Variants in HACL2 observed in about 807,000 individuals in gnomAD.
HACL2 encodes the protein 2-hydroxyacyl-CoA lyase 1 like.
chr19:15,122,918 A>G, the HACL2 span: 15 of 1,608,376 alleles, frequency 9.3e-6, no homozygotes, highest in Non-Finnish European at 1.2e-5. This position sits in a 1 kb window ranked among gnomAD's most constrained non-coding sequence, Gnocchi z 4.0. Context: ...GGCGGCAGCC[A>G]TCGCGGCCCT....
At chr19:15,117,650 G>A in the HACL2 span, 1 of 438,012 alleles carries the variant, frequency 2.3e-6, no homozygotes, top group South Asian at 3.0e-5. Context: ...CTGCATTCCA[G>A]CCTGGGTGAC....
the HACL2 span, chr19:15,123,588 G>C: frequency 3.7e-6 from 6 of 1,612,960 alleles, no homozygotes; most frequent in Non-Finnish European, 5.1e-6. This position sits in a 1 kb window ranked among gnomAD's most constrained non-coding sequence, Gnocchi z 5.1. Flanking sequence ...TGGGCCCAAG[G>C]ACAGGTGGAG....
the HACL2 span, chr19:15,117,983 G>A: frequency 9.9e-6 from 16 of 1,614,180 alleles, no homozygotes; most frequent in South Asian, 1.3e-4. Context: ...CTGAGGACAC[G>A]GCCATAGGAT....
the HACL2 span, chr19:15,122,603 C>A: frequency 1.8e-6 from 2 of 1,087,612 alleles, no homozygotes. This position sits in a 1 kb window ranked among gnomAD's most constrained non-coding sequence, Gnocchi z 4.0. Flanking sequence ...TCCCAGTCCA[C>A]ATGTGAATCA....
At chr19:15,119,373 G>A in the HACL2 span, 2 of 1,612,100 alleles carry the variant, frequency 1.2e-6, no homozygotes, top group Non-Finnish European at 1.7e-6. Flanking sequence ...CCCGAGGACT[G>A]GGGACTGGGA....
chr19:15,120,229 G>A, the HACL2 span: 6 of 545,958 alleles, frequency 1.1e-5, no homozygotes, highest in East Asian at 2.0e-4. Context: ...AGGGACAGAC[G>A]AACCCTAGTG....
the HACL2 span, chr19:15,123,355 C>T: frequency 1.2e-6 from 2 of 1,610,720 alleles, no homozygotes; most frequent in Admixed American, 3.3e-5. The surrounding 1 kb of genome is among the most constrained non-coding windows in gnomAD (Gnocchi z 5.1). Context: ...AGTCCCCAGC[C>T]CTCTCTGCAA....
At chr19:15,125,125 GA>G in the HACL2 span, 1 of 1,434,668 alleles carries the variant, frequency 7.0e-7, no homozygotes. Flanking sequence ...CTCTCCGGAA[GA>G]AATCGCGCCC....
At chr19:15,115,395 C>T in the HACL2 span, 1 of 1,614,004 alleles carries the variant, frequency 6.2e-7, no homozygotes, top group Non-Finnish European at 8.5e-7. Flanking sequence ...AGCAGCAAGC[C>T]CCGGGCCCCC....
At chr19:15,125,301 A>G in the HACL2 span, 1 of 541,002 alleles carries the variant, frequency 1.8e-6, no homozygotes, top group African/African-American at 2.0e-5. Context: ...AGTCCTTTAC[A>G]TCACCACCAC....
At chr19:15,119,839 C>T in the HACL2 span, 1 of 625,216 alleles carries the variant, frequency 1.6e-6, no homozygotes, top group South Asian at 2.2e-5. Flanking sequence ...CTGTGAGCCA[C>T]CGCGTCCAGC....
chr19:15,122,732 G>C, the HACL2 span: 1 of 1,614,184 alleles, frequency 6.2e-7, no homozygotes, highest in African/African-American at 1.3e-5. The surrounding 1 kb of genome is among the most constrained non-coding windows in gnomAD (Gnocchi z 4.0). Context: ...GGGTGGCTTG[G>C]CTGGCACCAT....
At chr19:15,122,156 C>T in the HACL2 span, among the ~76,000 whole-genome samples, 1 of 151,528 alleles carries the variant, frequency 6.6e-6, no homozygotes, top group Non-Finnish European at 1.5e-5. The surrounding 1 kb of genome is among the most constrained non-coding windows in gnomAD (Gnocchi z 4.0). Flanking sequence ...CTGCCCACCT[C>T]GGCCTCCCAA....
the HACL2 span, chr19:15,124,892 C>A: frequency 1.9e-6 from 3 of 1,578,172 alleles, no homozygotes; most frequent in Admixed American, 1.8e-5. Flanking sequence ...TCTTTGACTG[C>A]CCCCAGCCCA....
the HACL2 span, among the ~76,000 whole-genome samples, chr19:15,121,844 GAT>G: frequency 2.0e-5 from 3 of 149,344 alleles, no homozygotes; most frequent in Non-Finnish European, 3.0e-5. Context: ...AAAGGACAAA[GAT>G]GTGAGGGAAG....
chr19:15,125,034 G>A, the HACL2 span: 2 of 1,564,466 alleles, frequency 1.3e-6, no homozygotes, highest in South Asian at 1.2e-5. Context: ...GCTCCCAGCG[G>A]GGGCGGCGGC....
At chr19:15,121,282 A>G in the HACL2 span, among the ~76,000 whole-genome samples, 2 of 152,154 alleles carry the variant, frequency 1.3e-5, no homozygotes, top group Non-Finnish European at 2.9e-5. Context: ...AGGCCATAGA[A>G]CAAAATCACT....
At chr19:15,120,108 A>C in the HACL2 span, 1 of 1,418,144 alleles carries the variant, frequency 7.1e-7, no homozygotes, top group South Asian at 1.2e-5. Flanking sequence ...GAAGAAACCA[A>C]GTTGCCAGAA....
chr19:15,117,474 C>G, the HACL2 span: 1 of 160,756 alleles, frequency 6.2e-6, no homozygotes, highest in Non-Finnish European at 1.4e-5. Flanking sequence ...AGGAGTTCCA[C>G]GCCAACCTGG....
Sources: allele counts gnomAD v4.1 joint callset (sites outside exome capture counted in the v4.1 genomes callset), GRCh38; gene constraint gnomAD v4.1.1; non-coding constraint Gnocchi (gnomAD v3.1); transcripts MANE v1.5; gene names NCBI Gene and HGNC (gene_info 2026-07-23, HGNC 2026-07-21).